The following TPTE2 variants were observed in gnomAD, a reference collection of about 807,000 sequenced individuals.
TPTE2 encodes the protein phosphatidylinositol 3,4,5-trisphosphate 3-phosphatase TPTE2.
Under a neutral mutation model 78.6 loss-of-function variants are expected in TPTE2, and 53 were observed. That is an observed-to-expected ratio of 0.67 (90% CI 0.54 to 0.85). The LOEUF (loss-of-function observed/expected upper bound fraction) is 0.85. Ranked by LOEUF, TPTE2 falls within the 40% of genes least tolerant of loss-of-function variation. The probability of loss-of-function intolerance (pLI) is 0.00; values close to 1 mark genes in which losing one functional copy is unlikely to be tolerated. For synonymous variants in TPTE2, 175 were observed against 206.2 expected (o/e 0.85, Z 1.30); for missense variants, 461 against 623.0 (o/e 0.74, Z 2.77).
At chr13:19,466,442 T>C (rs1879273277) in intron 7 of TPTE2, among the ~76,000 whole-genome samples, 2 of 152,174 alleles carry the variant, frequency 1.3e-5, no homozygotes, top group South Asian at 4.1e-4. Context: ...AGAAATCAGC[T>C]ATTTGACCCA....
At chr13:19,440,747 T>C (rs1443839464) in intron 13 of TPTE2, among the ~76,000 whole-genome samples, 1 of 150,376 alleles carries the variant, frequency 6.6e-6, no homozygotes, top group East Asian at 2.0e-4. Context: ...CCAGCCTGGG[T>C]GACAGCAAGA....
intron 1 of TPTE2, among the ~76,000 whole-genome samples, chr13:19,529,011 C>A (rs1358981647): frequency 2.0e-5 from 3 of 152,092 alleles, no homozygotes; most frequent in Non-Finnish European, 4.4e-5. Flanking sequence ...TCCAGCTACT[C>A]GGGAAGCTGA....
chr13:19,561,228 T>A, the TPTE2 span: 9,428 of 1,367,836 alleles, frequency 6.9e-3, 41 homozygotes, highest in African/African-American at 0.019. Flanking sequence ...CATGATGTAG[T>A]GGCTCACTGC....
At chr13:19,499,833 A>G (rs1881647831) in intron 1 of TPTE2, among the ~76,000 whole-genome samples, 1 of 150,876 alleles carries the variant, frequency 6.6e-6, no homozygotes, top group Non-Finnish European at 1.5e-5. Context: ...GACACAAAAA[A>G]CCCTTCAAAA....
At chr13:19,453,294 G>T (rs1350752017) in intron 10 of TPTE2, among the ~76,000 whole-genome samples, 4 of 151,770 alleles carry the variant, frequency 2.6e-5, no homozygotes, top group Non-Finnish European at 5.9e-5. Context: ...CTCCCAAAGT[G>T]CTGGAATTAT....
chr13:19,506,387 A>C (rs1869043709), upstream of TPTE2, among the ~76,000 whole-genome samples: 1 of 150,760 alleles, frequency 6.6e-6, no homozygotes, highest in Non-Finnish European at 1.5e-5. Flanking sequence ...TTTAGCCGGG[A>C]TGGTCTCGAT....
At chr13:19,510,962 T>C (rs1183397987) in intron 1 of TPTE2, among the ~76,000 whole-genome samples, 1 of 152,216 alleles carries the variant, frequency 6.6e-6, no homozygotes, top group East Asian at 1.9e-4. Context: ...GAAAGTTTGA[T>C]TATGTCAAGT....
chr13:19,484,845 C>T (rs1237680261), intron 3 of TPTE2, among the ~76,000 whole-genome samples: 1 of 152,012 alleles, frequency 6.6e-6, no homozygotes, highest in African/African-American at 2.4e-5. Flanking sequence ...CTTTTTGCAT[C>T]CCTTCATTAT....
chr13:19,446,387 A>C (rs1280167623), intron 13 of TPTE2, among the ~76,000 whole-genome samples: 1 of 152,194 alleles, frequency 6.6e-6, no homozygotes, highest in Non-Finnish European at 1.5e-5. Context: ...TATTACTGAG[A>C]GGGACTACAA....
chr13:19,504,607 A>C (rs1868868498), upstream of TPTE2, among the ~76,000 whole-genome samples: 1 of 152,072 alleles, frequency 6.6e-6, no homozygotes. Flanking sequence ...AGGAAATCTG[A>C]CTTTCCTAAG....
rs1300780451 is a variant in TPTE2 at position 19,486,301 on chromosome 13, T to C, written c.120-3754A>G. 1.3e-5 allele frequency among the ~76,000 whole-genome samples: 2 copies of C among 152,198 alleles called. No homozygotes were observed. The highest frequency in any genetic ancestry group is 4.8e-5 in the African/African-American group (2 of 41,446). ...ATCTACACTAGTAACATTTGCAAGTTACTCAGTGGCCTCGGCTAAGGAAGT... is the reference window on the plus strand; with the variant it reads ...ATCTACACTAGTAACATTTGCAAGTCACTCAGTGGCCTCGGCTAAGGAAGT... On this transcript the variant is annotated intron_variant, in intron 3 of 19. Coordinates refer to ENST00000400230, the Ensembl canonical transcript of TPTE2. The surrounding 1 kb of genome is among the most constrained non-coding windows in gnomAD (Gnocchi z 4.3).
chr13:19,517,030 C>A (rs1869836692), intron 1 of TPTE2, among the ~76,000 whole-genome samples: 1 of 152,140 alleles, frequency 6.6e-6, no homozygotes, highest in South Asian at 2.1e-4. Context: ...AGATGTGGCC[C>A]AAGCACATCT....
chr13:19,449,235 G>A (rs899788505), intron 13 of TPTE2, among the ~76,000 whole-genome samples: 3 of 152,078 alleles, frequency 2.0e-5, no homozygotes, highest in African/African-American at 7.2e-5. Context: ...GTACAATGGT[G>A]CGATCTCAGC....
Position 19,492,922 on chromosome 13 carries a change from A to T in TPTE2, c.66-19T>A. On this transcript the variant is annotated intron_variant, in intron 2 of 19. Coordinates refer to ENST00000400230, the Ensembl canonical transcript of TPTE2. ...GTGTGGGCTAGAGGATGATAAAAGAATACAGTCAGATAGGAGACACGATTC... is the reference window on the plus strand; with the variant it reads ...GTGTGGGCTAGAGGATGATAAAAGATTACAGTCAGATAGGAGACACGATTC... 6.2e-7 allele frequency: 1 copy of T among 1,613,972 alleles called. No individual in the cohort carries two copies. Among genetic ancestry groups the T allele is most frequent in the Non-Finnish European group, 8.5e-7 (1 of 1,179,836 alleles).
At chr13:19,448,728 T>A (rs1305517662) in intron 13 of TPTE2, among the ~76,000 whole-genome samples, 1 of 152,162 alleles carries the variant, frequency 6.6e-6, no homozygotes, top group Non-Finnish European at 1.5e-5. Context: ...TGTAAATTAG[T>A]AGTTATTGTG....
intron 7 of TPTE2, among the ~76,000 whole-genome samples, chr13:19,466,564 A>T (rs2497080): frequency 0.93 from 142,329 of 152,280 alleles, 66,793 homozygotes; most frequent in East Asian, 1. Context: ...ATACACTGTT[A>T]AGTTTTCCTA....
In TPTE2 at chr13:19,497,138, T is replaced by C. The variant is rs1244321062; in HGVS notation, c.12-3637A>G. 2.0e-4 allele frequency among the ~76,000 whole-genome samples: 30 copies of C among 151,658 alleles called. 1 individual carries two copies. The highest frequency in any genetic ancestry group is 1.3e-3 in the South Asian group (6 of 4,662). On this transcript the variant is annotated intron_variant, in intron 1 of 19. Coordinates refer to ENST00000400230, the Ensembl canonical transcript of TPTE2. ...GCGAGATTATATCCCGCACCTGTCT[T>C]GGAGGGTCCTACGCCCACGGAGTCT... is the stretch of plus-strand genomic sequence containing the variant.
chr13:19,560,908 G>T, the TPTE2 span: 2 of 1,588,286 alleles, frequency 1.3e-6, no homozygotes, highest in Non-Finnish European at 1.7e-6. Flanking sequence ...ACTCGTTGGA[G>T]GCCAGACAGC....
chr13:19,523,203 AGATTGTAG>A (rs1305574558), intron 1 of TPTE2, among the ~76,000 whole-genome samples: 2 of 152,068 alleles, frequency 1.3e-5, no homozygotes, highest in Non-Finnish European at 2.9e-5. Context: ...TTTTTCACCA[AGATTGTAG>A]GATGTTGGTT....
Sources: gnomAD v4.1 joint callset for allele counts (sites outside exome capture counted in the v4.1 genomes callset) on GRCh38, gnomAD v4.1.1 for gene constraint, Gnocchi (gnomAD v3.1) non-coding constraint, MANE v1.5 for transcripts, NCBI Gene and HGNC (gene_info 2026-07-23, HGNC 2026-07-21) for gene names.